Variants in UNC93A observed in about 807,000 individuals in gnomAD.
UNC93A encodes unc-93 homolog A.
UNC93A carries 43 observed loss-of-function variants against 47.5 expected under a neutral mutation model. That is an observed-to-expected ratio of 0.91 (90% CI 0.71 to 1.17). The LOEUF is 1.17. Among genes scored for constraint, UNC93A ranks in the 50% most tolerant of loss-of-function variants. The pLI is 0.00. For missense variants in UNC93A, 605 were observed against 577.6 expected (o/e 1.05, Z -0.49); for synonymous variants, 280 against 258.0 (o/e 1.09, Z -0.82).
At chr6:167,298,824 T>A (rs2003658) in intron 4 of UNC93A, among the ~76,000 whole-genome samples, 32,989 of 151,814 alleles carry the variant, frequency 0.22, 3,782 homozygotes, top group African/African-American at 0.29. Flanking sequence ...TTAAATATTT[T>A]TTTTTTTGGC....
intron 1 of UNC93A, 72 bp downstream of exon 1, chr6:167,291,648 T>G: frequency 6.9e-7 from 1 of 1,441,836 alleles, no homozygotes; most frequent in Admixed American, 2.2e-5. Context: ...CAGACAATAA[T>G]GAATTGGAAA....
intron 1 of UNC93A, among the ~76,000 whole-genome samples, chr6:167,276,555 G>A (rs1783546434): frequency 6.6e-6 from 1 of 152,114 alleles, no homozygotes; most frequent in African/African-American, 2.4e-5. Flanking sequence ...CAGTTTAGGT[G>A]ACCTGCTCGA....
At chr6:167,302,705 G>A (rs370374718) in intron 4 of UNC93A, among the ~76,000 whole-genome samples, 4 of 152,262 alleles carry the variant, frequency 2.6e-5, no homozygotes, top group African/African-American at 9.6e-5. Flanking sequence ...TTTCCTCATG[G>A]ATGAAATGAA....
chr6:167,302,970 G>C (rs979460799), intron 4 of UNC93A, among the ~76,000 whole-genome samples: 4 of 152,118 alleles, frequency 2.6e-5, no homozygotes, highest in Non-Finnish European at 5.9e-5. Flanking sequence ...TCTGTCCAGC[G>C]TGTCCGCACC....
chr6:167,299,130 AT>A (rs67940247), intron 4 of UNC93A, among the ~76,000 whole-genome samples: 17,976 of 118,284 alleles, frequency 0.15, 1,439 homozygotes, highest in East Asian at 0.4. Context: ...AAAAAAAAAA[AT>A]ACACACACAC....
At chr6:167,303,185 T>C (rs1171245931) in intron 4 of UNC93A, among the ~76,000 whole-genome samples, 1 of 152,202 alleles carries the variant, frequency 6.6e-6, no homozygotes, top group Non-Finnish European at 1.5e-5. Context: ...CAGACCCCGT[T>C]CTGCACCCAT....
chr6:167,294,460 T>A, intron 1 of UNC93A, 57 bp from the exon 2 acceptor site: 1 of 1,584,936 alleles, frequency 6.3e-7, no homozygotes, highest in East Asian at 2.3e-5. Context: ...GACCTGCTGG[T>A]GCCTCATCCC....
rs756844170 is a variant in UNC93A at position 167,291,427 on chromosome 6, G to A, written c.-63G>A. ...TGATTGTTTTTCCCATGCCTCAATT[G>A]GTTTCTTTTAGGGAGCTACAAATTT... is the stretch of plus-strand genomic sequence containing the variant. On this transcript the variant is annotated 5_prime_UTR_variant, in exon 1 of 8. Coordinates refer to ENST00000230256, the MANE Select transcript of UNC93A (RefSeq NM_018974.4). The A allele has an allele frequency of 7.6e-6, 11 of 1,450,442 alleles. No individual in the cohort carries two copies. Among genetic ancestry groups the A allele is most frequent in the African/African-American group, 2.8e-5 (2 of 70,514 alleles). The allele number at this position is 1,450,442 out of a possible 1,614,324, so 89.8% of individuals were successfully genotyped here.
chr6:167,269,607 A>T (rs912434707), upstream of UNC93A, among the ~76,000 whole-genome samples: 1 of 151,936 alleles, frequency 6.6e-6, no homozygotes, highest in South Asian at 2.1e-4. Context: ...AAAAATTTTT[A>T]TTTATTTATT....
chr6:167,295,537 C>A lies in UNC93A; in HGVS notation c.270-495C>A, dbSNP rs34027494. On this transcript the variant is annotated intron_variant, in intron 2 of 7. Transcript: ENST00000230256. ...CCTCGTGCTCCTCGCCTGCCTCGTG[C>A]TCCTCGCCTCCCTCGTGCTCCTCGC... Among the ~76,000 whole-genome samples the A allele has an allele frequency of 2.9e-4, 27 of 92,380 alleles. 1 individual carries two copies. Among genetic ancestry groups the A allele is most frequent in the East Asian group, 1.7e-3 (4 of 2,346 alleles). 60.6% of individuals were successfully genotyped at this position (92,380 alleles called of 152,430 possible). A position where few individuals can be genotyped will look rare whatever the true frequency, so the allele number is the denominator to read the frequency against.
intron 7 of UNC93A, among the ~76,000 whole-genome samples, chr6:167,309,285 A>G (rs1385611918): frequency 6.6e-6 from 1 of 152,218 alleles, no homozygotes; most frequent in East Asian, 1.9e-4. Flanking sequence ...GAGGAAGGTC[A>G]CTAGGAAGAG....
rs114960844 is a variant in UNC93A at position 167,293,315 on chromosome 6, G to A, written c.88-1202G>A. Among the ~76,000 whole-genome samples the A allele has an allele frequency of 4.7e-3, 718 of 152,266 alleles. 6 individuals are homozygous for A. The highest frequency in any genetic ancestry group is 0.016 in the African/African-American group (666 of 41,550). On this transcript the variant is annotated intron_variant, in intron 1 of 7. Transcript: ENST00000230256. ...CCTTCCTTCTCAAAAGACTGGAGAT[G>A]CAGGGGAGCCAGACCTCCCTCTCTG...
At chr6:167,270,140 A>G (rs62437258), upstream of UNC93A, among the ~76,000 whole-genome samples, 72,605 of 150,688 alleles carry the variant, frequency 0.48, 17,519 homozygotes, top group South Asian at 0.54. Context: ...GGACCCATCC[A>G]TCTGTGTTCA....
chr6:167,283,736 A>T (rs1487286233), intron 1 of UNC93A, among the ~76,000 whole-genome samples: 2 of 152,200 alleles, frequency 1.3e-5, no homozygotes, highest in Non-Finnish European at 2.9e-5. Context: ...TCTGATGAAT[A>T]AGAGGTAACA....
intron 4 of UNC93A, among the ~76,000 whole-genome samples, chr6:167,299,478 G>A (rs1308347618): frequency 2.0e-5 from 3 of 152,178 alleles, no homozygotes; most frequent in African/African-American, 4.8e-5. Flanking sequence ...GCTGGAAGTC[G>A]ACAAAGTGTA....
At position 167,297,974 on chromosome 6, in the gene UNC93A, T is replaced by C; in HGVS notation, c.529T>C (p.Cys177Arg). 1 of 1,614,116 alleles carries C rather than the reference T, an allele frequency of 6.2e-7. No individual in the cohort carries two copies. The highest frequency in any genetic ancestry group is 8.5e-7 in the Non-Finnish European group (1 of 1,180,010). The change falls in exon 4 of 8, where the codon TGT becomes CGT. Residue 177 changes from cysteine (C) to arginine (R), a missense_variant. Coordinates refer to ENST00000230256, the MANE Select transcript of UNC93A (RefSeq NM_018974.4). Reference sequence around the variant, plus strand: ...CCTTCCAGAAGAGCAGCTCACGTCCTGTGGGGCCAGTGACTGCCTGATGGC... The same window carrying C: ...CCTTCCAGAAGAGCAGCTCACGTCCCGTGGGGCCAGTGACTGCCTGATGGC... ...ETLPEEQLTS[C>R]GASDCLMATT... is the part of the protein sequence containing the mutation.
intron 5 of UNC93A, among the ~76,000 whole-genome samples, chr6:167,304,871 C>T (rs1778337767): frequency 6.6e-6 from 1 of 152,182 alleles, no homozygotes; most frequent in Non-Finnish European, 1.5e-5. Flanking sequence ...TGCCTGGCAC[C>T]TCTAGTTTTC....
intron 1 of UNC93A, among the ~76,000 whole-genome samples, chr6:167,281,799 G>A (rs1320941256): frequency 6.6e-6 from 1 of 152,192 alleles, no homozygotes; most frequent in Non-Finnish European, 1.5e-5. Context: ...CGGCCAGCCA[G>A]CAGCAGTGCC....
chr6:167,288,817 G>C (rs559775834), upstream of UNC93A, among the ~76,000 whole-genome samples: 2 of 152,318 alleles, frequency 1.3e-5, no homozygotes, highest in East Asian at 3.9e-4. Flanking sequence ...GGTGAACTCA[G>C]CCGTAGCAAA....
Sources: gnomAD v4.1 joint callset for allele counts (sites outside exome capture counted in the v4.1 genomes callset) on GRCh38, gnomAD v4.1.1 for gene constraint, MANE v1.5 for transcripts, NCBI Gene and HGNC (gene_info 2026-07-23, HGNC 2026-07-21) for gene names.